The following CRYBG1 variants were observed in gnomAD, a reference collection of about 807,000 sequenced individuals.
CRYBG1 encodes beta/gamma crystallin domain-containing protein 1.
In CRYBG1, 139 loss-of-function variants were observed where a neutral mutation model predicts 189.2. The ratio of observed to expected loss-of-function variants is 0.73; its 90% CI spans 0.64 to 0.85. The LOEUF (loss-of-function observed/expected upper bound fraction) is 0.85. Among genes scored for constraint, CRYBG1 ranks in the 40% least tolerant of loss-of-function variants. CRYBG1 has a pLI of 0.00. For missense variants in CRYBG1, 2,611 were observed against 2,675.8 expected, an observed-to-expected ratio of 0.98 and a Z score of 0.53; for synonymous variants, 1,023 against 1,017.1, an observed-to-expected ratio of 1.01 and a Z score of -0.11.
chr6:106,374,107 AG>A (rs1388703551), intron 1 of CRYBG1, among the ~76,000 whole-genome samples: 5 of 152,202 alleles, frequency 3.3e-5, no homozygotes, highest in Non-Finnish European at 5.9e-5. Flanking sequence ...GCTGTATGTG[AG>A]GCCCTGGAGT....
chr6:106,419,429 C>T (rs899453090), intron 1 of CRYBG1, among the ~76,000 whole-genome samples: 15 of 152,316 alleles, frequency 9.8e-5, no homozygotes, highest in South Asian at 2.1e-4. Context: ...GTCACCCAGG[C>T]TGGAGTGCAA....
intron 2 of CRYBG1, among the ~76,000 whole-genome samples, chr6:106,469,850 C>T (rs1397804154): frequency 1.3e-5 from 2 of 152,182 alleles, no homozygotes; most frequent in Non-Finnish European, 2.9e-5. Context: ...TTGTAACCAA[C>T]AGCTTTGACA....
chr6:106,463,384 C>T (rs919349644), intron 2 of CRYBG1, among the ~76,000 whole-genome samples: 1 of 152,106 alleles, frequency 6.6e-6, no homozygotes, highest in Admixed American at 6.6e-5. Context: ...GCACATGATG[C>T]CTTTGAAGCT....
intron 2 of CRYBG1, among the ~76,000 whole-genome samples, chr6:106,458,309 T>C (rs577810947): frequency 6.6e-6 from 1 of 152,362 alleles, no homozygotes; most frequent in African/African-American, 2.4e-5. Flanking sequence ...GCACAGACTC[T>C]TTCCCATGCC....
intron 1 of CRYBG1, among the ~76,000 whole-genome samples, chr6:106,372,333 C>G (rs577946226): frequency 1.3e-5 from 2 of 152,226 alleles, no homozygotes; most frequent in African/African-American, 4.8e-5. Flanking sequence ...CTCACTGTAG[C>G]CTTGACTCCC....
intron 2 of CRYBG1, among the ~76,000 whole-genome samples, chr6:106,490,317 A>G (rs1314653517): frequency 6.6e-6 from 1 of 152,244 alleles, no homozygotes; most frequent in Non-Finnish European, 1.5e-5. Flanking sequence ...AGGTTTGCTA[A>G]AGGAATAAGG....
chr6:106,421,596 A>C (rs1037751462), intron 1 of CRYBG1, among the ~76,000 whole-genome samples: 3 of 152,086 alleles, frequency 2.0e-5, no homozygotes, highest in African/African-American at 7.2e-5. Context: ...CTTTGCATGA[A>C]TGTCATTTGG....
intron 1 of CRYBG1, chr6:106,449,638 C>T (rs917016777): frequency 1.3e-5 from 2 of 152,126 alleles, no homozygotes; most frequent in African/African-American, 2.4e-5. Flanking sequence ...CATGGTAAGA[C>T]GATGACAGCA....
chr6:106,433,759 GTA>G (rs1308664469), intron 1 of CRYBG1, among the ~76,000 whole-genome samples: 486 of 17,630 alleles, frequency 0.028, 23 homozygotes, highest in African/African-American at 0.1. Flanking sequence ...ATATATATGT[GTA>G]TATATATATA....
At chr6:106,379,082 G>A (rs1032207883) in intron 1 of CRYBG1, among the ~76,000 whole-genome samples, 1 of 152,102 alleles carries the variant, frequency 6.6e-6, no homozygotes, top group Non-Finnish European at 1.5e-5. Context: ...CCGGGAGGCA[G>A]AGGTTGCAGT....
chr6:106,467,266 C>T (rs1480804770), intron 2 of CRYBG1, among the ~76,000 whole-genome samples: 1 of 151,714 alleles, frequency 6.6e-6, no homozygotes, highest in African/African-American at 2.4e-5. Flanking sequence ...AATTCGAGAC[C>T]AGCATGAGCA....
At chr6:106,560,774 C>A (rs984892221) in intron 18 of CRYBG1, 29 bp from the exon 19 acceptor site, 3 of 1,582,976 alleles carry the variant, frequency 1.9e-6, no homozygotes, top group Non-Finnish European at 2.6e-6. Flanking sequence ...ATGAAAATTG[C>A]CACTTACTGT....
chr6:106,420,480 A>G (rs1771103200), intron 1 of CRYBG1, among the ~76,000 whole-genome samples: 2 of 152,246 alleles, frequency 1.3e-5, no homozygotes. Context: ...AAATGAAGCC[A>G]TGACACAAGG....
intron 16 of CRYBG1, among the ~76,000 whole-genome samples, chr6:106,554,959 T>G (rs1774497949): frequency 6.6e-6 from 1 of 151,876 alleles, no homozygotes; most frequent in Admixed American, 6.6e-5. Context: ...CAGGTCAGGA[T>G]TTCGAGACCA....
intron 2 of CRYBG1, among the ~76,000 whole-genome samples, chr6:106,490,493 A>T (rs1772696330): frequency 6.6e-6 from 1 of 152,254 alleles, no homozygotes; most frequent in African/African-American, 2.4e-5. Context: ...TACACTCAGA[A>T]GATTTGTAGG....
intron 1 of CRYBG1, among the ~76,000 whole-genome samples, chr6:106,416,895 AC>A (rs1332927573): frequency 2.0e-5 from 3 of 151,932 alleles, no homozygotes; most frequent in Non-Finnish European, 4.4e-5. Context: ...TCTAGGTGTG[AC>A]ATTATGGGGA....
intron 21 of CRYBG1, among the ~76,000 whole-genome samples, chr6:106,567,633 T>A (rs1436820056): frequency 6.6e-6 from 1 of 152,118 alleles, no homozygotes; most frequent in Non-Finnish European, 1.5e-5. Context: ...TGCTGAGGTT[T>A]ATGCTAAAAA....
intron 2 of CRYBG1, among the ~76,000 whole-genome samples, chr6:106,506,756 A>G (rs34453595): frequency 0.096 from 14,656 of 152,096 alleles, 934 homozygotes; most frequent in Non-Finnish European, 0.14. Context: ...CCCAGTCTAG[A>G]TTTCTTAAAG....
At chr6:106,516,914 T>C (rs1049531447) in intron 3 of CRYBG1, among the ~76,000 whole-genome samples, 2 of 152,032 alleles carry the variant, frequency 1.3e-5, no homozygotes, top group Non-Finnish European at 2.9e-5. Context: ...GTAAGCCCGA[T>C]GAAGCATTTG....
Sources: gnomAD v4.1 joint callset for allele counts (sites outside exome capture counted in the v4.1 genomes callset) on GRCh38, gnomAD v4.1.1 for gene constraint, MANE v1.5 for transcripts, NCBI Gene and HGNC (gene_info 2026-07-23, HGNC 2026-07-21) for gene names.